SAMD7: variants seen among roughly 807,000 people sequenced by gnomAD.
SAMD7 encodes sterile alpha motif domain-containing protein 7.
A neutral mutation model predicts 36.7 loss-of-function variants in SAMD7; 34 were observed. That is an observed-to-expected ratio of 0.93 (90% CI 0.71 to 1.23). The LOEUF (loss-of-function observed/expected upper bound fraction) is 1.23, where lower values mean the gene tolerates loss of function less well. Ranked by LOEUF, SAMD7 falls within the 50% of genes most tolerant of loss-of-function variation. The pLI, the probability that SAMD7 is intolerant of heterozygous loss-of-function variation, is 0.00. For missense variants in SAMD7, 570 were observed against 546.6 expected (o/e 1.04, Z -0.43); for synonymous variants, 188 against 189.7 (o/e 0.99, Z 0.07).
intron 7 of SAMD7, chr3:169,932,988 C>A: frequency 1.4e-6 from 1 of 722,090 alleles, no homozygotes; most frequent in South Asian, 1.4e-5. Flanking sequence ...CTTTCCCCCC[C>A]TCTATCAGTG....
intron 4 of SAMD7, among the ~76,000 whole-genome samples, chr3:169,924,690 A>T (rs1449005609): frequency 1.3e-5 from 2 of 152,218 alleles, no homozygotes; most frequent in African/African-American, 4.8e-5. Context: ...CAATGTATAT[A>T]CATATATCAA....
In SAMD7 at chr3:169,925,183, T is replaced by C. The variant is rs114960272; in HGVS notation, c.290+47T>C. 5.6e-3 allele frequency: 6,931 copies of C among 1,230,176 alleles called. 21 individuals are homozygous for C. Among genetic ancestry groups the C allele is most frequent in the Non-Finnish European group, 7.3e-3 (6,174 of 846,308 alleles). The allele number at this position is 1,230,176 out of a possible 1,614,324, so 76.2% of individuals were successfully genotyped here. A position where few individuals can be genotyped will look rare whatever the true frequency, so the allele number is the denominator to read the frequency against. ...ATTTATTCTCTATTCATTCACTTGC[T>C]CATTTATTCACTTGTTATCTTCATA... is the stretch of plus-strand genomic sequence containing the variant. On this transcript the variant is annotated intron_variant, in intron 5 of 8. Transcript: ENST00000335556.
rs1712952776 is a variant in SAMD7 at position 169,919,545 on chromosome 3, C to G, written c.47C>G (p.Pro16Arg). Reference sequence around the variant, plus strand: ...ACACCAACAGGGCAGCAGACAATCCCACTGATCCCCTCACCATTTGGGCCT... The same window carrying G: ...ACACCAACAGGGCAGCAGACAATCCGACTGATCCCCTCACCATTTGGGCCT... ...LLTPTGQQTIPLIPSPFGPPT... is the reference protein window; with the variant it reads ...LLTPTGQQTIRLIPSPFGPPT... Residue 16 changes from proline (P) to arginine (R), a missense_variant, in exon 3 of 9, where the codon CCA becomes CGA. Physicochemically the swap from Pro to Arg is moderately radical, Grantham distance 103. Coordinates refer to ENST00000335556, the MANE Select transcript of SAMD7 (RefSeq NM_001304366.2). 1 of 1,614,074 alleles carries G rather than the reference C, an allele frequency of 6.2e-7. No homozygotes were observed. Among genetic ancestry groups the G allele is most frequent in the Non-Finnish European group, 8.5e-7 (1 of 1,180,030 alleles).
chr3:169,927,083 C>T lies in SAMD7; in HGVS notation c.821C>T (p.Ala274Val), dbSNP rs754710902. 5 of 1,602,130 alleles carry T rather than the reference C, an allele frequency of 3.1e-6. No individual in the cohort carries two copies. Residue 274 changes from alanine (A) to valine (V), a missense_variant, in exon 6 of 9, where the codon GCC (alanine) becomes GTC (valine). Ala to Val is a moderately conservative substitution (Grantham distance 64). Coordinates refer to ENST00000335556, the MANE Select transcript of SAMD7 (RefSeq NM_001304366.2). Reference sequence around the variant, plus strand: ...CACACCACTACCCTGAAAGCAAAGGCCTGGGACGATGGGAAAGAGGAGGCT... The same window carrying T: ...CACACCACTACCCTGAAAGCAAAGGTCTGGGACGATGGGAAAGAGGAGGCT... ...GSHTTTLKAK[A>V]WDDGKEEASE...
In SAMD7 at chr3:169,927,060, C is replaced by T. The variant is rs752843451; in HGVS notation, c.798C>T (p.His266=). 1 of 1,611,614 alleles carries T rather than the reference C, an allele frequency of 6.2e-7. No individual in the cohort carries two copies. The highest frequency in any genetic ancestry group is 1.7e-5 in the Admixed American group (1 of 59,216). ...CCCATAGGAAACCCTGGGGGTCTCA[C>T]ACCACTACCCTGAAAGCAAAGGCCT... The part of the protein sequence containing the change: ...EPTHRKPWGS[H]TTTLKAKAWD... Residue 266 remains histidine (H), a synonymous_variant, in exon 6 of 9, where the codon CAC becomes CAT. Transcript: ENST00000335556.
chr3:169,928,037 G>A (rs1253094792), intron 6 of SAMD7, among the ~76,000 whole-genome samples: 2 of 152,092 alleles, frequency 1.3e-5, no homozygotes, highest in Non-Finnish European at 2.9e-5. Context: ...GATTGTGAAG[G>A]GCATGTAATA....
chr3:169,933,485 G>C (rs150986394), intron 7 of SAMD7, among the ~76,000 whole-genome samples: 1 of 152,276 alleles, frequency 6.6e-6, no homozygotes, highest in East Asian at 1.9e-4. Context: ...CTAGCAATAG[G>C]CATCATAGTT....
At chr3:169,926,265 CAAGGAACT>C (rs1362060120) in intron 5 of SAMD7, 14 of 1,360,620 alleles carry the variant, frequency 1.0e-5, no homozygotes, top group Non-Finnish European at 1.4e-5. Flanking sequence ...TAATCTCTGG[CAAGGAACT>C]AGCTGTGCTG....
chr3:169,926,023 A>G (rs1264312187), intron 5 of SAMD7, among the ~76,000 whole-genome samples: 2 of 152,348 alleles, frequency 1.3e-5, no homozygotes, highest in African/African-American at 4.8e-5. Flanking sequence ...CCAGGGTAAG[A>G]GAAGGCAGAG....
rs1365283857 is a variant in SAMD7 at position 169,925,074 on chromosome 3, AC to A, written c.230del (p.Pro77LeufsTer4). 6.2e-7 allele frequency: 1 copy of A among 1,608,730 alleles called. No individual in the cohort carries two copies. The highest frequency in any genetic ancestry group is 8.5e-7 in the Non-Finnish European group (1 of 1,177,596). ...RIYPGWGILPPESIKAVARRN... is the reference protein window; with the variant it reads ...RIYPGWGILPXESIKAVARRN... ...TTTTTTAAGGTTGGGGCATTTTACC[AC>A]CTGAATCCATAAAGGCAGTGGCCAG... On this transcript the variant is annotated frameshift_variant, in exon 5 of 9. Transcript: ENST00000335556. LOFTEE classifies it high-confidence loss of function.
chr3:169,936,252 T>C (rs1713711607), intron 7 of SAMD7, 87 bp from the exon 8 acceptor site: 1 of 836,106 alleles, frequency 1.2e-6, no homozygotes, highest in Admixed American at 2.4e-5. Flanking sequence ...CTTAATGTTT[T>C]CTCCAAAACT....
intron 4 of SAMD7, among the ~76,000 whole-genome samples, chr3:169,922,036 T>A (rs1227707681): frequency 6.6e-6 from 1 of 152,092 alleles, no homozygotes; most frequent in Non-Finnish European, 1.5e-5. Context: ...TGCAAGTAGT[T>A]GGAAAGATGG....
Position 169,925,105 on chromosome 3 carries a change from A to G in SAMD7, c.259A>G (p.Asn87Asp). ...ATCCATAAAGGCAGTGGCCAGAAGG[A>G]ATGAAATGATTCAACGGCATCATAC... ...PESIKAVARRNEMIQRHHTAR... is the reference protein window; with the variant it reads ...PESIKAVARRDEMIQRHHTAR... Residue 87 changes from asparagine to aspartate, a missense_variant, in exon 5 of 9, where the codon AAT becomes GAT. Coordinates refer to ENST00000335556, the MANE Select transcript of SAMD7 (RefSeq NM_001304366.2). 6.2e-7 allele frequency: 1 copy of G among 1,611,902 alleles called. No homozygotes were observed. The highest frequency in any genetic ancestry group is 2.2e-5 in the East Asian group (1 of 44,802).
At chr3:169,914,299 G>T (rs1373731443) in intron 1 of SAMD7, among the ~76,000 whole-genome samples, 1 of 152,152 alleles carries the variant, frequency 6.6e-6, no homozygotes, top group African/African-American at 2.4e-5. Context: ...GTAATTTGAG[G>T]TATGTGCATG....
intron 8 of SAMD7, among the ~76,000 whole-genome samples, chr3:169,938,036 C>T (rs964531355): frequency 8.5e-5 from 13 of 152,204 alleles, no homozygotes; most frequent in Non-Finnish European, 1.5e-4. Context: ...CCACCATTAC[C>T]GTCCTGACCT....
intron 4 of SAMD7, among the ~76,000 whole-genome samples, chr3:169,924,305 C>A (rs1165036786): frequency 6.6e-6 from 1 of 151,858 alleles, no homozygotes; most frequent in Non-Finnish European, 1.5e-5. Context: ...AAAATTGTTT[C>A]TGGCCAGGTG....
chr3:169,932,820 G>T (rs144236512), intron 7 of SAMD7: 3 of 573,338 alleles, frequency 5.2e-6, no homozygotes, highest in Admixed American at 4.2e-5. Context: ...GGCCTGTGCC[G>T]CCTGGACACC....
intron 4 of SAMD7, among the ~76,000 whole-genome samples, chr3:169,921,887 C>G (rs935928382): frequency 1.3e-5 from 2 of 152,142 alleles, no homozygotes; most frequent in African/African-American, 4.8e-5. Context: ...ACAGCTTGGT[C>G]ATGGATGGTG....
chr3:169,927,775 G>A (rs886284167), intron 6 of SAMD7, among the ~76,000 whole-genome samples: 2 of 152,134 alleles, frequency 1.3e-5, no homozygotes, highest in African/African-American at 4.8e-5. Context: ...TTTAATTTAA[G>A]ATTTTAATGT....
Sources: allele counts gnomAD v4.1 joint callset (sites outside exome capture counted in the v4.1 genomes callset), GRCh38; gene constraint gnomAD v4.1.1; transcripts MANE v1.5; gene names NCBI Gene and HGNC (gene_info 2026-07-23, HGNC 2026-07-21).